The following RPGRIP1 variants were observed in gnomAD, a reference collection of about 807,000 sequenced individuals.
The protein encoded by RPGRIP1 is X-linked retinitis pigmentosa GTPase regulator-interacting protein 1.
RPGRIP1 carries 128 observed loss-of-function variants against 157.9 expected under a neutral mutation model. The observed-to-expected ratio is 0.81, with a 90% CI of 0.70 to 0.94. The LOEUF is 0.94. RPGRIP1 is among the 40% of genes least tolerant of loss of function. The pLI, the probability that RPGRIP1 is intolerant of heterozygous loss-of-function variation, is 0.00. For missense variants in RPGRIP1, 1,486 were observed against 1,545.8 expected, an observed-to-expected ratio of 0.96 and a Z score of 0.65; for synonymous variants, 554 against 571.6, an observed-to-expected ratio of 0.97 and a Z score of 0.44.
chr14:21,348,101 T>A, intron 23 of RPGRIP1, 71 bp from the exon 24 acceptor site: 2 of 1,266,080 alleles, frequency 1.6e-6, no homozygotes, highest in South Asian at 3.2e-5. Flanking sequence ...TTATGATTAC[T>A]TTTATCCTTA....
Position 21,301,242 on chromosome 14 carries a change from G to A in RPGRIP1, c.490+5G>A. The A allele has an allele frequency of 6.3e-7, 1 of 1,579,674 alleles. No homozygotes were observed. The highest frequency in any genetic ancestry group is 1.2e-5 in the South Asian group (1 of 86,176). ...TGCCGGAGAAACCCAAGAGGGGTGA[G>A]ATTTAAGGCTACATCCCCTACAGGG... On this transcript the variant is annotated splice_donor_5th_base_variant and intron_variant, in intron 4 of 24. Transcript: ENST00000400017.
At chr14:21,344,576 T>A (rs930887339) in intron 22 of RPGRIP1, among the ~76,000 whole-genome samples, 1 of 152,204 alleles carries the variant, frequency 6.6e-6, no homozygotes, top group African/African-American at 2.4e-5. Flanking sequence ...CAAGTGAAAA[T>A]TTGAGAAAGT....
At chr14:21,305,521 T>A (rs1881262356) in intron 6 of RPGRIP1, among the ~76,000 whole-genome samples, 1 of 152,216 alleles carries the variant, frequency 6.6e-6, no homozygotes, top group African/African-American at 2.4e-5. Context: ...ACATTATGTG[T>A]CGTTTTTTGT....
intron 17 of RPGRIP1, among the ~76,000 whole-genome samples, chr14:21,326,456 T>C (rs1436680002): frequency 1.3e-5 from 2 of 152,110 alleles, no homozygotes; most frequent in Admixed American, 6.6e-5. Context: ...ATAAACTTCT[T>C]TGTTTTTTGA....
chr14:21,345,823 A>G (rs1885508948), intron 23 of RPGRIP1, among the ~76,000 whole-genome samples: 2 of 150,272 alleles, frequency 1.3e-5, no homozygotes, highest in Non-Finnish European at 3.0e-5. Flanking sequence ...AAGTGTTGAC[A>G]TTCTTCTTTT....
chr14:21,282,464 C>T (rs1001199767), intron 1 of RPGRIP1, among the ~76,000 whole-genome samples: 1 of 152,112 alleles, frequency 6.6e-6, no homozygotes, highest in Non-Finnish European at 1.5e-5. Flanking sequence ...TCTCGATCTC[C>T]TGACCTCATG....
At chr14:21,347,046 T>C (rs1057191321) in intron 23 of RPGRIP1, among the ~76,000 whole-genome samples, 2 of 152,234 alleles carry the variant, frequency 1.3e-5, no homozygotes, top group Admixed American at 1.3e-4. Context: ...TCTGTGCTAA[T>C]GTCAAATTTA....
intron 1 of RPGRIP1, among the ~76,000 whole-genome samples, chr14:21,284,605 C>A (rs1165279322): frequency 1.4e-5 from 2 of 139,314 alleles, no homozygotes; most frequent in Non-Finnish European, 3.0e-5. Context: ...AGTACAGTGG[C>A]ACGATCTCTG....
rs1885779573 is a variant in RPGRIP1 at position 21,348,355 on chromosome 14, G to C, written c.3748+53G>C. The C allele has an allele frequency of 2.2e-6, 3 of 1,364,906 alleles. No homozygotes were observed. The East Asian group carries it at 7.8e-5, about 35-fold the overall frequency. 84.5% of individuals were successfully genotyped at this position (1,364,906 alleles called of 1,614,324 possible). Reference sequence around the variant, plus strand: ...TATTTCCAAGGAAATCATCCTAATAGTGAATATATTTTATCTTCAATACAT... The same window carrying C: ...TATTTCCAAGGAAATCATCCTAATACTGAATATATTTTATCTTCAATACAT... On this transcript the variant is annotated intron_variant, in intron 24 of 24. Coordinates refer to ENST00000400017, the MANE Select transcript of RPGRIP1 (RefSeq NM_020366.4).
chr14:21,281,704 A>AAAAAAAAAT (rs368706187), intron 1 of RPGRIP1, among the ~76,000 whole-genome samples: 65 of 133,966 alleles, frequency 4.9e-4, no homozygotes, highest in African/African-American at 1.8e-3. Flanking sequence ...AAAAAAAAAT[A>AAAAAAAAAT]AATAATAATA....
chr14:21,326,051 A>G lies in RPGRIP1; in HGVS notation c.2588A>G (p.His863Arg). The G allele has an allele frequency of 6.2e-7, 1 of 1,613,974 alleles. No individual in the cohort carries two copies. The highest frequency in any genetic ancestry group is 8.5e-7 in the Non-Finnish European group (1 of 1,179,876). The change falls in exon 17 of 25, where the codon CAT (histidine) becomes CGT (arginine). Residue 863 changes from histidine to arginine, a missense_variant. Physicochemically the swap from His to Arg is conservative, Grantham distance 29. Coordinates refer to ENST00000400017, the MANE Select transcript of RPGRIP1 (RefSeq NM_020366.4). Reference protein sequence around the residue: ...FPVLVTSDLDHYLRREALSIH... With the variant: ...FPVLVTSDLDRYLRREALSIH... ...GTGCTTGTGACCTCTGACCTGGACCATTATCTGAGACGGGAGGCCTTGTCT... is the reference window on the plus strand; with the variant it reads ...GTGCTTGTGACCTCTGACCTGGACCGTTATCTGAGACGGGAGGCCTTGTCT...
Position 21,330,538 on chromosome 14 carries a change from C to T in RPGRIP1, c.3238+151C>T, listed in dbSNP as rs556544889. ...AAAATTAGCCGGGTATGGTGGCAGG[C>T]GCCTGTAATCCCAGCTACGTGGGCG... is the stretch of plus-strand genomic sequence containing the variant. On this transcript the variant is annotated intron_variant, in intron 20 of 24. Transcript: ENST00000400017. 3.9e-5 allele frequency among the ~76,000 whole-genome samples: 6 copies of T among 151,994 alleles called. No homozygotes were observed. In the East Asian group the frequency reaches 7.8e-4, roughly 20 times the overall value.
At position 21,325,855 on chromosome 14, in the gene RPGRIP1, C is replaced by G. The variant is rs1883030065; in HGVS notation, c.2392C>G (p.Gln798Glu). 1.9e-6 allele frequency: 3 copies of G among 1,613,402 alleles called. No individual in the cohort carries two copies. The highest frequency in any genetic ancestry group is 2.5e-6 in the Non-Finnish European group (3 of 1,179,390). ...EEFRSESWEP[Q>E]NELWIEITKC... ...GTTCAGATCGGAGTCTTGGGAACCT[C>G]AGAACGAGCTGTGGATTGAAATCAC... The change falls in exon 17 of 25, where the codon CAG (glutamine) becomes GAG (glutamate). Residue 798 changes from glutamine to glutamate, a missense_variant. Coordinates refer to ENST00000400017, the MANE Select transcript of RPGRIP1 (RefSeq NM_020366.4).
intron 23 of RPGRIP1, among the ~76,000 whole-genome samples, chr14:21,346,569 A>G (rs1885597976): frequency 1.3e-5 from 2 of 152,082 alleles, no homozygotes; most frequent in African/African-American, 4.8e-5. Flanking sequence ...AAAAAAAGTT[A>G]TTTGTTGTTT....
At chr14:21,340,614 C>T (rs933214460) in intron 21 of RPGRIP1, among the ~76,000 whole-genome samples, 2 of 151,996 alleles carry the variant, frequency 1.3e-5, no homozygotes, top group East Asian at 1.9e-4. Flanking sequence ...GACGTCGCAC[C>T]GTTGCACTCC....
At chr14:21,334,932 G>A (rs1884175379) in intron 21 of RPGRIP1, among the ~76,000 whole-genome samples, 1 of 150,162 alleles carries the variant, frequency 6.7e-6, no homozygotes, top group Non-Finnish European at 1.5e-5. Flanking sequence ...TGTAATCCCA[G>A]CTACTCAGGA....
chr14:21,332,961 A>G (rs1009026735), intron 20 of RPGRIP1, among the ~76,000 whole-genome samples: 1 of 152,070 alleles, frequency 6.6e-6, no homozygotes, highest in African/African-American at 2.4e-5. Context: ...AAAATTAGCC[A>G]GGTGTGGTGG....
Position 21,312,362 on chromosome 14 carries a change from A to G in RPGRIP1, c.1078-71A>G, listed in dbSNP as rs190602707. The G allele has an allele frequency of 9.7e-4, 1,038 of 1,065,272 alleles. 6 individuals carry two copies. The highest frequency in any genetic ancestry group is 9.5e-3 in the African/African-American group (604 of 63,542). The allele number at this position is 1,065,272 out of a possible 1,614,324, so 66.0% of individuals were successfully genotyped here. Reference sequence around the variant, plus strand: ...CCTCTCACCCACGCCCCTCCCTGCCATGGACAGGGGAAATCCTGTGCAGGG... The same window carrying G: ...CCTCTCACCCACGCCCCTCCCTGCCGTGGACAGGGGAAATCCTGTGCAGGG... On this transcript the variant is annotated intron_variant, in intron 9 of 24. Transcript: ENST00000400017.
intron 6 of RPGRIP1, among the ~76,000 whole-genome samples, chr14:21,304,357 A>G (rs192903012): frequency 7.2e-6 from 1 of 138,552 alleles, no homozygotes; most frequent in East Asian, 2.3e-4. Context: ...GAGGGAGGGA[A>G]GGAAGGAAGG....
Sources: allele counts gnomAD v4.1 joint callset (sites outside exome capture counted in the v4.1 genomes callset), GRCh38; gene constraint gnomAD v4.1.1; transcripts MANE v1.5; gene names NCBI Gene and HGNC (gene_info 2026-07-23, HGNC 2026-07-21).